The following IFIH1 variants were observed in gnomAD, a reference collection of about 807,000 sequenced individuals.
The protein encoded by IFIH1 is interferon-induced helicase C domain-containing protein 1.
IFIH1 carries 125 observed loss-of-function variants against 107.4 expected under a neutral mutation model. That is an observed-to-expected ratio of 1.16 (90% CI 1.01 to 1.35). The LOEUF is 1.35. Ranked by LOEUF, IFIH1 falls within the 40% of genes most tolerant of loss-of-function variation. IFIH1 has a pLI of 0.00. For missense variants in IFIH1, 1,333 were observed against 1,213.7 expected (o/e 1.10, Z -1.46); for synonymous variants, 458 against 413.2 (o/e 1.11, Z -1.31).
chr2:162,290,944 A>C (rs972027242), intron 4 of IFIH1, among the ~76,000 whole-genome samples: 2 of 151,854 alleles, frequency 1.3e-5, no homozygotes, highest in African/African-American at 2.4e-5. Flanking sequence ...CAGCAGAAGG[A>C]GAGAACTGGG....
rs752226580 is a variant in IFIH1, at chr2:162,273,829, T to C, written c.2420A>G (p.Tyr807Cys). 6.2e-6 allele frequency: 10 copies of C among 1,607,942 alleles called. No homozygotes were observed. The highest frequency in any genetic ancestry group is 8.5e-6 in the Non-Finnish European group (10 of 1,176,778). ...GGCTATTTCATTGGTGACGAGACCA[T>C]AACGGATAACAATGTTACATTCTTT... Reference protein sequence around the residue: ...DIKECNIVIRYGLVTNEIAMV... With the variant: ...DIKECNIVIRCGLVTNEIAMV... The change falls in exon 12 of 16, where the codon TAT (tyrosine) becomes TGT (cysteine). Residue 807 changes from tyrosine (Y) to cysteine (C), a missense_variant. Coordinates refer to ENST00000649979, the MANE Select transcript of IFIH1 (RefSeq NM_022168.4).
chr2:162,286,035 C>A (rs1217721039), intron 5 of IFIH1, among the ~76,000 whole-genome samples: 1 of 151,914 alleles, frequency 6.6e-6, no homozygotes, highest in African/African-American at 2.4e-5. Context: ...CTACGCTCTG[C>A]ACTGGTATGA....
Position 162,318,116 on chromosome 2 carries a change from G to A in IFIH1, c.192C>T (p.Ser64=), listed in dbSNP as rs752429833. The change falls in exon 1 of 16, where the codon AGC becomes AGT. Residue 64 remains serine, a synonymous_variant. Transcript: ENST00000649979. ...GGTGCCAGACTCCCTTCTCCAAGGT[G>A]CTCAGCAGCAGTTCAACTGCCTGCA... ...GNMQAVELLL[S]TLEKGVWHLG... is the part of the protein sequence containing the mutation. 2 of 1,614,068 alleles carry A rather than the reference G, an allele frequency of 1.2e-6. No homozygotes were observed. The highest frequency in any genetic ancestry group is 1.7e-6 in the Non-Finnish European group (2 of 1,180,044).
intron 1 of IFIH1, among the ~76,000 whole-genome samples, chr2:162,311,991 C>T (rs1006500302): frequency 3.3e-5 from 5 of 152,126 alleles, no homozygotes; most frequent in Non-Finnish European, 7.4e-5. Flanking sequence ...AAAAGTAAAA[C>T]ATCTCATGTG....
chr2:162,293,036 G>GA (rs1348279232), intron 4 of IFIH1, among the ~76,000 whole-genome samples: 1 of 151,810 alleles, frequency 6.6e-6, no homozygotes, highest in Non-Finnish European at 1.5e-5. Flanking sequence ...AGTAATTTGG[G>GA]AAAAACCTGG....
chr2:162,278,077 C>T (rs937858896), intron 9 of IFIH1, 128 bp downstream of exon 9: 1 of 752,160 alleles, frequency 1.3e-6, no homozygotes, highest in Non-Finnish European at 2.2e-6. Context: ...GCTTGTCCTA[C>T]AGAGAACACA....
intron 1 of IFIH1, among the ~76,000 whole-genome samples, chr2:162,315,923 A>G (rs1683482654): frequency 6.6e-6 from 1 of 152,220 alleles, no homozygotes. Flanking sequence ...TCAAATTTAT[A>G]GCTGCTCAGT....
rs1369004474 is a variant in IFIH1 at position 162,282,584 on chromosome 2, A to C, written c.1096-8T>G. The C allele has an allele frequency of 7.0e-6, 11 of 1,582,164 alleles. No homozygotes were observed. The highest frequency in any genetic ancestry group is 2.3e-5 in the East Asian group (1 of 44,134). On this transcript the variant is annotated splice_polypyrimidine_tract_variant and splice_region_variant and intron_variant, in intron 5 of 15. Coordinates refer to ENST00000649979, the MANE Select transcript of IFIH1 (RefSeq NM_022168.4). ...CTGTTCAACTAGCAGTACCTTAAAA[A>C]AATGTGAAGATTTTTTAAAAGAGAG...
chr2:162,308,744 C>T (rs1683335063), intron 2 of IFIH1, among the ~76,000 whole-genome samples: 1 of 152,180 alleles, frequency 6.6e-6, no homozygotes, highest in African/African-American at 2.4e-5. Context: ...TAGGTTCCAA[C>T]ATATGAGTAT....
At chr2:162,314,416 T>TTTCTTTTCTTTCTATC (rs71009355) in intron 1 of IFIH1, among the ~76,000 whole-genome samples, 1 of 51,444 alleles carries the variant, frequency 1.9e-5, no homozygotes, top group Non-Finnish European at 3.4e-5. Context: ...TCTTTCTTTC[T>TTTCTTTTCTTTCTATC]TTTCTTTCTT....
chr2:162,273,925 A>C lies in IFIH1; in HGVS notation c.2324T>G (p.Ile775Ser). The C allele has an allele frequency of 6.2e-7, 1 of 1,604,610 alleles. No homozygotes were observed. The highest frequency in any genetic ancestry group is 2.2e-5 in the East Asian group (1 of 44,764). Residue 775 changes from isoleucine to serine, a missense_variant, in exon 12 of 16, where the codon ATT becomes AGT. Coordinates refer to ENST00000649979, the MANE Select transcript of IFIH1 (RefSeq NM_022168.4). ...PMTQNEQKEVISKFRTGKINL... is the reference protein window; with the variant it reads ...PMTQNEQKEVSSKFRTGKINL... ...TATTTTTCCAGTGCGAAATTTACTA[A>C]TGACTTCTTTTTGTTCATTCTGTAG...
At chr2:162,289,529 ACTT>A (rs1335755274) in intron 4 of IFIH1, among the ~76,000 whole-genome samples, 1 of 151,964 alleles carries the variant, frequency 6.6e-6, no homozygotes, top group Non-Finnish European at 1.5e-5. Flanking sequence ...ACATGAAATA[ACTT>A]CTTTTTCTTA....
At chr2:162,313,255 G>T (rs1014376454) in intron 1 of IFIH1, among the ~76,000 whole-genome samples, 3 of 152,128 alleles carry the variant, frequency 2.0e-5, no homozygotes, top group Non-Finnish European at 2.9e-5. Context: ...ACATTGTAAA[G>T]ATATTGATCC....
intron 1 of IFIH1, among the ~76,000 whole-genome samples, chr2:162,314,392 CTCCCTCCT>C (rs777303074): frequency 1.3e-4 from 7 of 53,812 alleles, no homozygotes; most frequent in South Asian, 2.0e-3. Context: ...CCCTCCCTCC[CTCCCTCCT>C]TTCTTTCTTT....
rs1029433756 is a variant in IFIH1, at chr2:162,277,822, G to A, written c.1766-129C>T. The A allele has an allele frequency of 6.4e-6, 7 of 1,100,616 alleles. No individual in the cohort carries two copies. In the South Asian group the frequency reaches 6.8e-5, roughly 11 times the overall value. 68.2% of individuals were successfully genotyped at this position (1,100,616 alleles called of 1,614,324 possible). A position where few individuals can be genotyped will look rare whatever the true frequency, so the allele number is the denominator to read the frequency against. ...CTTGGTTTTAAAATGGGCAAGTTAAGGCTCAAAATGTGTCCTGAGCTCTGA... is the reference window on the plus strand; with the variant it reads ...CTTGGTTTTAAAATGGGCAAGTTAAAGCTCAAAATGTGTCCTGAGCTCTGA... On this transcript the variant is annotated intron_variant, in intron 9 of 15. Transcript: ENST00000649979.
chr2:162,302,997 T>C (rs180806081), intron 3 of IFIH1, among the ~76,000 whole-genome samples: 45 of 152,298 alleles, frequency 3.0e-4, no homozygotes, highest in African/African-American at 1.1e-3. Flanking sequence ...TCTCAGACTA[T>C]TATATATTTT....
At chr2:162,284,902 T>C (rs1682872990) in intron 5 of IFIH1, among the ~76,000 whole-genome samples, 1 of 151,948 alleles carries the variant, frequency 6.6e-6, no homozygotes, top group Non-Finnish European at 1.5e-5. Context: ...CACCACAAAA[T>C]TCTGCCCATA....
intron 1 of IFIH1, among the ~76,000 whole-genome samples, chr2:162,314,416 TTTTCTTTC>T (rs760939547): frequency 0.014 from 736 of 51,304 alleles, 15 homozygotes; most frequent in African/African-American, 0.016. Context: ...TCTTTCTTTC[TTTTCTTTC>T]TTTCTTTCTT....
At chr2:162,314,411 C>CTT (rs1446087034) in intron 1 of IFIH1, among the ~76,000 whole-genome samples, 5 of 61,078 alleles carry the variant, frequency 8.2e-5, no homozygotes, top group African/African-American at 2.3e-4. Context: ...TTCTTTCTTT[C>CTT]TTTCTTTTCT....
Sources: gnomAD v4.1 joint callset for allele counts (sites outside exome capture counted in the v4.1 genomes callset) on GRCh38, gnomAD v4.1.1 for gene constraint, MANE v1.5 for transcripts, NCBI Gene and HGNC (gene_info 2026-07-23, HGNC 2026-07-21) for gene names.